The following EBF1 variants were observed in gnomAD, a reference collection of about 807,000 sequenced individuals.
EBF1 encodes transcription factor COE1.
A neutral mutation model predicts 68.4 loss-of-function variants in EBF1; 10 were observed. The ratio of observed to expected loss-of-function variants is 0.15; its 90% confidence interval spans 0.09 to 0.25. The LOEUF (loss-of-function observed/expected upper bound fraction) is 0.25. Ranked by LOEUF, EBF1 falls within the 10% of genes least tolerant of loss-of-function variation. EBF1 has a pLI of 1.00. For synonymous variants in EBF1, 298 were observed against 299.8 expected (o/e 0.99, Z 0.06); for missense variants, 509 against 794.4 (o/e 0.64, Z 4.32).
intron 6 of EBF1, chr5:158,984,808 T>A (rs967306373): frequency 6.6e-6 from 1 of 151,608 alleles, no homozygotes; most frequent in Non-Finnish European, 1.5e-5. Context: ...CTCAGCCTCT[T>A]GAGTAGCTGG....
chr5:159,015,290 C>G (rs1446685074), intron 6 of EBF1, among the ~76,000 whole-genome samples: 2 of 152,164 alleles, frequency 1.3e-5, no homozygotes, highest in Non-Finnish European at 1.5e-5. Context: ...CACTAAGTTC[C>G]TCGCACAACA....
At chr5:158,765,651 A>C (rs1039443063) in intron 10 of EBF1, among the ~76,000 whole-genome samples, 1 of 152,126 alleles carries the variant, frequency 6.6e-6, no homozygotes, top group Admixed American at 6.6e-5. Context: ...AGTGGGTATG[A>C]GGGGAAGTCG....
chr5:158,797,333 G>GT (rs1469376113), intron 8 of EBF1, among the ~76,000 whole-genome samples: 6 of 152,294 alleles, frequency 3.9e-5, no homozygotes, highest in African/African-American at 1.4e-4. Context: ...TTCTTGGATT[G>GT]TTTTTAAAAT....
At chr5:159,035,297 A>G (rs755320444) in intron 6 of EBF1, among the ~76,000 whole-genome samples, 8 of 152,184 alleles carry the variant, frequency 5.3e-5, no homozygotes, top group Admixed American at 1.3e-4. Context: ...GCTAAATGGA[A>G]CATTGGTAAA....
At chr5:158,878,367 C>G (rs548557213) in intron 6 of EBF1, among the ~76,000 whole-genome samples, 89 of 152,268 alleles carry the variant, frequency 5.8e-4, no homozygotes, top group African/African-American at 2.0e-3. Flanking sequence ...GTGCCCATTT[C>G]TCTAAAAGTA....
At chr5:158,704,168 T>C (rs1305390406) in intron 15 of EBF1, among the ~76,000 whole-genome samples, 1 of 152,208 alleles carries the variant, frequency 6.6e-6, no homozygotes, top group Non-Finnish European at 1.5e-5. Context: ...ACAGACAAGC[T>C]ACCTTAAGGG....
chr5:158,931,110 A>G (rs1425792856), intron 6 of EBF1, among the ~76,000 whole-genome samples: 1 of 152,210 alleles, frequency 6.6e-6, no homozygotes, highest in Non-Finnish European at 1.5e-5. Flanking sequence ...GTCCAGTCCC[A>G]TATCTCACCT....
At chr5:158,721,236 A>G (rs1356394266) in intron 11 of EBF1, among the ~76,000 whole-genome samples, 1 of 152,176 alleles carries the variant, frequency 6.6e-6, no homozygotes, top group Non-Finnish European at 1.5e-5. Flanking sequence ...AGCATGCGGC[A>G]TGGTTGGAGG....
chr5:158,793,611 T>C (rs1020356905), intron 9 of EBF1, among the ~76,000 whole-genome samples: 2 of 152,170 alleles, frequency 1.3e-5, no homozygotes, highest in African/African-American at 4.8e-5. Flanking sequence ...CAGTCTCTAG[T>C]CCTATCTGGC....
intron 6 of EBF1, among the ~76,000 whole-genome samples, chr5:158,919,064 C>A (rs915014948): frequency 1.3e-5 from 2 of 152,158 alleles, no homozygotes. Flanking sequence ...ACAGAATTTT[C>A]TCCTTGGTAA....
Position 158,718,066 on chromosome 5 carries a change from A to T in EBF1, c.1126-3884T>A, listed in dbSNP as rs149563977. Among the ~76,000 whole-genome samples, 648 of 152,328 alleles carry T rather than the reference A, an allele frequency of 4.3e-3. 3 individuals are homozygous for T. Among genetic ancestry groups the T allele is most frequent in the Non-Finnish European group, 7.2e-3 (492 of 68,014 alleles). On this transcript the variant is annotated intron_variant, in intron 11 of 15. Transcript: ENST00000313708. ...TTACTTATATTTTGGAAGCTTTATAATAAAAATGCTGAATGGGCTACAAAT... is the reference window on the plus strand; with the variant it reads ...TTACTTATATTTTGGAAGCTTTATATTAAAAATGCTGAATGGGCTACAAAT...
intron 6 of EBF1, among the ~76,000 whole-genome samples, chr5:158,896,528 T>A (rs1033264006): frequency 1.3e-5 from 2 of 152,204 alleles, no homozygotes; most frequent in African/African-American, 4.8e-5. Context: ...TACCCACAAC[T>A]TCCTGATGAA....
At chr5:158,778,326 G>C (rs140228562) in intron 9 of EBF1, among the ~76,000 whole-genome samples, 2 of 152,062 alleles carry the variant, frequency 1.3e-5, no homozygotes, top group South Asian at 4.1e-4. Context: ...GCATTATCTG[G>C]TTCTTTGAAA....
intron 15 of EBF1, among the ~76,000 whole-genome samples, chr5:158,699,423 A>G (rs2127455823): frequency 6.6e-6 from 1 of 151,020 alleles, no homozygotes; most frequent in South Asian, 2.1e-4. Flanking sequence ...CATAACTGGA[A>G]AGTTGCATAG....
chr5:158,858,382 A>G (rs898716213), intron 6 of EBF1, among the ~76,000 whole-genome samples: 1 of 152,170 alleles, frequency 6.6e-6, no homozygotes, highest in African/African-American at 2.4e-5. Context: ...AAACACACAC[A>G]CACATGCACA....
intron 6 of EBF1, among the ~76,000 whole-genome samples, chr5:158,971,351 A>G (rs1755612761): frequency 6.6e-6 from 1 of 152,208 alleles, no homozygotes; most frequent in Admixed American, 6.5e-5. Flanking sequence ...CCAGTGAGTG[A>G]TGGTAAAAAG....
intron 4 of EBF1, among the ~76,000 whole-genome samples, 162 bp from the exon 5 acceptor site, chr5:159,084,901 G>A (rs1045356101): frequency 4.6e-5 from 7 of 152,052 alleles, no homozygotes; most frequent in South Asian, 2.1e-4. Flanking sequence ...TATGATATTC[G>A]GGATTAACCT....
chr5:158,930,253 T>G (rs1561541880), intron 6 of EBF1, among the ~76,000 whole-genome samples: 1 of 104,038 alleles, frequency 9.6e-6, no homozygotes, highest in East Asian at 2.4e-4. Context: ...TGTTTTCTAG[T>G]TTTTTTGTTT....
chr5:158,907,199 G>A (rs954449166), intron 6 of EBF1, among the ~76,000 whole-genome samples: 1 of 152,160 alleles, frequency 6.6e-6, no homozygotes, highest in Non-Finnish European at 1.5e-5. Context: ...CTCTAATGGG[G>A]ACCCAGACAG....
Sources: allele counts gnomAD v4.1 joint callset (sites outside exome capture counted in the v4.1 genomes callset), GRCh38; gene constraint gnomAD v4.1.1; transcripts MANE v1.5; gene names NCBI Gene and HGNC (gene_info 2026-07-23, HGNC 2026-07-21).